Variants in RFC3 observed in about 807,000 individuals in gnomAD.
The protein encoded by RFC3 is replication factor C subunit 3, also known as A1 38 kDa subunit.
Under a neutral mutation model 45.1 loss-of-function variants are expected in RFC3, and 41 were observed. The ratio of observed to expected loss-of-function variants is 0.91; its 90% CI spans 0.71 to 1.18. The LOEUF is 1.18. Ranked by LOEUF, RFC3 falls within the 50% of genes most tolerant of loss-of-function variation. The pLI is 0.00. For synonymous variants in RFC3, 149 were observed against 144.0 expected (o/e 1.03, Z -0.25); for missense variants, 423 against 428.1 (o/e 0.99, Z 0.10).
intron 4 of RFC3, among the ~76,000 whole-genome samples, chr13:33,827,453 A>G (rs958044414): frequency 1.3e-5 from 2 of 152,204 alleles, no homozygotes; most frequent in Non-Finnish European, 2.9e-5. Context: ...TTGTGCCATT[A>G]TCCTCAATCT....
chr13:33,863,938 A>G (rs1032080104), intron 8 of RFC3, among the ~76,000 whole-genome samples: 3 of 152,164 alleles, frequency 2.0e-5, no homozygotes, highest in Admixed American at 2.0e-4. Context: ...TTGCACTGCT[A>G]TAAAGGAATA....
intron 7 of RFC3, among the ~76,000 whole-genome samples, chr13:33,833,692 T>C (rs542031926): frequency 1.3e-5 from 2 of 152,162 alleles, no homozygotes; most frequent in Non-Finnish European, 2.9e-5. Context: ...TATATACATA[T>C]ATTAAAATAA....
chr13:33,834,643 G>A (rs1028738358), intron 7 of RFC3, among the ~76,000 whole-genome samples: 11 of 151,934 alleles, frequency 7.2e-5, no homozygotes, highest in Middle Eastern at 3.4e-3. Flanking sequence ...TATTTCATGC[G>A]TATATTATCT....
chr13:33,969,237 G>T (rs1212665969), downstream of RFC3, among the ~76,000 whole-genome samples: 1 of 152,178 alleles, frequency 6.6e-6, no homozygotes, highest in Non-Finnish European at 1.5e-5. Context: ...TCAATAAGGA[G>T]TAAGAATTTT....
rs74909659 is a variant in RFC3, at chr13:33,928,090, A to G, written c.880-37997A>G. On this transcript the variant is annotated intron_variant, in intron 8 of 8. Transcript: ENST00000434425. ...GTGAATCTGAAGAAAGAGAAGTAAA[A>G]TAATTTGTTCAAATTTCCACCGCAG... Among the ~76,000 whole-genome samples, 58 of 152,196 alleles carry G rather than the reference A, an allele frequency of 3.8e-4. No homozygotes were observed. In the East Asian group the frequency reaches 0.01, roughly 26 times the overall value.
At chr13:33,844,799 T>C (rs546401109) in intron 8 of RFC3, among the ~76,000 whole-genome samples, 1 of 152,336 alleles carries the variant, frequency 6.6e-6, no homozygotes, top group African/African-American at 2.4e-5. Flanking sequence ...CTATTCAAGA[T>C]ATGGATAGTT....
At chr13:33,846,898 TTCTC>T (rs1189432452) in intron 8 of RFC3, 1 of 152,174 alleles carries the variant, frequency 6.6e-6, no homozygotes, top group Non-Finnish European at 1.5e-5. Flanking sequence ...TGCACACAGA[TTCTC>T]TCTTTTTCTT....
intron 8 of RFC3, among the ~76,000 whole-genome samples, chr13:33,965,708 C>A (rs1949193432): frequency 6.6e-6 from 1 of 152,156 alleles, no homozygotes; most frequent in Non-Finnish European, 1.5e-5. Flanking sequence ...ATTGGATCAC[C>A]ACCTCTTATC....
At chr13:33,894,925 A>G (rs1016278123) in intron 8 of RFC3, among the ~76,000 whole-genome samples, 1 of 152,170 alleles carries the variant, frequency 6.6e-6, no homozygotes, top group African/African-American at 2.4e-5. Context: ...CTATTCAATG[A>G]ATGGTGAGAA....
In RFC3 at chr13:33,824,003, G is replaced by T; in HGVS notation, c.293+19G>T. 8.0e-7 allele frequency: 1 copy of T among 1,254,556 alleles called. No individual in the cohort carries two copies. The highest frequency in any genetic ancestry group is 1.5e-5 in the African/African-American group (1 of 65,126). The allele number at this position is 1,254,556 out of a possible 1,614,324, so 77.7% of individuals were successfully genotyped here. ...ATCCTAGGTAAGTTACTACTATATAGAAATTAAGTATTTTTAAAGAAATTG... is the reference window on the plus strand; with the variant it reads ...ATCCTAGGTAAGTTACTACTATATATAAATTAAGTATTTTTAAAGAAATTG... On this transcript the variant is annotated intron_variant, in intron 3 of 8. Transcript: ENST00000380071.
At chr13:33,894,876 GA>G (rs756852416) in intron 8 of RFC3, among the ~76,000 whole-genome samples, 1 of 152,056 alleles carries the variant, frequency 6.6e-6, no homozygotes, top group Admixed American at 6.6e-5. Flanking sequence ...ACTGATCTTT[GA>G]CAAAGTATTA....
chr13:33,829,872 A>T lies in RFC3; in HGVS notation c.428A>T (p.Asp143Val). ...LLTEVDKLTK[D>V]AQHALRRTME... ...ACAGAAGTTGACAAACTCACCAAAGATGCTCAGCATGCCTTGCGAAGAACC... is the reference window on the plus strand; with the variant it reads ...ACAGAAGTTGACAAACTCACCAAAGTTGCTCAGCATGCCTTGCGAAGAACC... The change falls in exon 5 of 9, where the codon GAT becomes GTT. Residue 143 changes from aspartate to valine, a missense_variant. Physicochemically the swap from Asp to Val is radical, Grantham distance 152. Coordinates refer to ENST00000380071, the MANE Select transcript of RFC3 (RefSeq NM_002915.4). 1 of 1,614,156 alleles carries T rather than the reference A, an allele frequency of 6.2e-7. No individual in the cohort carries two copies.
At chr13:33,863,390 C>G (rs1197602144) in intron 8 of RFC3, among the ~76,000 whole-genome samples, 1 of 152,186 alleles carries the variant, frequency 6.6e-6, no homozygotes, top group Non-Finnish European at 1.5e-5. Flanking sequence ...TCTTCCCCAC[C>G]CCGCCTAGGT....
chr13:33,911,729 G>T (rs934317265), intron 8 of RFC3, among the ~76,000 whole-genome samples: 1 of 151,998 alleles, frequency 6.6e-6, no homozygotes, highest in African/African-American at 2.4e-5. Flanking sequence ...ATTCCTTTGA[G>T]AACTAGTCCT....
At chr13:33,876,287 G>C (rs1446011905) in intron 8 of RFC3, among the ~76,000 whole-genome samples, 2 of 152,316 alleles carry the variant, frequency 1.3e-5, no homozygotes, top group South Asian at 2.1e-4. Context: ...TCCGTGGTCT[G>C]TCCTATCAGG....
At position 33,836,939 on chromosome 13, in the gene RFC3, G is replaced by C. The variant is rs1242766557; in HGVS notation, c.*644G>C. ...TGAAGAAAATTCAGAATGAAGTTCT[G>C]GAGAAAGGTATGTTACTGTAGTAAT... On this transcript the variant is annotated 3_prime_UTR_variant, in exon 9 of 9. Coordinates refer to ENST00000380071, the MANE Select transcript of RFC3 (RefSeq NM_002915.4). 1 of 984,892 alleles carries C rather than the reference G, an allele frequency of 1.0e-6. No individual in the cohort carries two copies. Among genetic ancestry groups the C allele is most frequent in the Non-Finnish European group, 1.2e-6 (1 of 829,604 alleles). The allele number at this position is 984,892 out of a possible 1,614,324, so 61.0% of individuals were successfully genotyped here. A position where few individuals can be genotyped will look rare whatever the true frequency, so the allele number is the denominator to read the frequency against.
chr13:33,927,869 G>A (rs915723249), intron 8 of RFC3, among the ~76,000 whole-genome samples: 31 of 152,064 alleles, frequency 2.0e-4, no homozygotes, highest in African/African-American at 7.5e-4. Flanking sequence ...ATACCAAGGA[G>A]GAGTTTCAGA....
intron 1 of RFC3, among the ~76,000 whole-genome samples, chr13:33,820,919 A>G (rs1046524480): frequency 6.1e-5 from 9 of 148,046 alleles, no homozygotes; most frequent in African/African-American, 2.0e-4. Flanking sequence ...ATATTTATAT[A>G]TATATATATA....
downstream of RFC3, among the ~76,000 whole-genome samples, chr13:33,839,738 T>C (rs1290208835): frequency 1.4e-4 from 21 of 152,232 alleles, no homozygotes; most frequent in Admixed American, 1.4e-3. Flanking sequence ...TCTGGCATCA[T>C]TTATTTTAAA....
Sources: allele counts gnomAD v4.1 joint callset (sites outside exome capture counted in the v4.1 genomes callset), GRCh38; gene constraint gnomAD v4.1.1; transcripts MANE v1.5; gene names NCBI Gene and HGNC (gene_info 2026-07-23, HGNC 2026-07-21).